The following TIAM1 variants were observed in gnomAD, a reference collection of about 807,000 sequenced individuals.
The protein encoded by TIAM1 is rho guanine nucleotide exchange factor TIAM1.
In TIAM1, 65 loss-of-function variants were observed where a neutral mutation model predicts 163.5. That is an observed-to-expected ratio of 0.40 (90% CI 0.33 to 0.49). TIAM1 has a LOEUF of 0.49. Among genes scored for constraint, TIAM1 ranks in the 20% least tolerant of loss-of-function variants. TIAM1 has a pLI of 0.77. For synonymous variants in TIAM1, 833 were observed against 810.1 expected (o/e 1.03, Z -0.48); for missense variants, 1,789 against 2,044.7 (o/e 0.87, Z 2.41).
At chr21:31,375,675 T>A (rs960280859) in intron 2 of TIAM1, among the ~76,000 whole-genome samples, 2 of 152,092 alleles carry the variant, frequency 1.3e-5, no homozygotes, top group Non-Finnish European at 2.9e-5. Context: ...AAAAAACCCA[T>A]AAATTGCAAA....
chr21:31,266,670 CA>C lies in TIAM1; in HGVS notation c.302del (p.Val101GlyfsTer12). On this transcript the variant is annotated frameshift_variant, in exon 4 of 28. Coordinates refer to ENST00000541036, the MANE Select transcript of TIAM1 (RefSeq NM_001353694.2). LOFTEE classifies it high-confidence loss of function. ...GAGTGACAGAAGAGTCAGTGTAAGA[CA>C]CAGGTCTCAAGCCCATGTCCACTCG... ...VDRVDMGLRP[V>X]SYTDSSVTPS... The C allele has an allele frequency of 6.2e-7, 1 of 1,614,200 alleles. No individual in the cohort carries two copies. The highest frequency in any genetic ancestry group is 8.5e-7 in the Non-Finnish European group (1 of 1,180,046).
At chr21:31,479,484 G>A (rs2046043168) in intron 1 of TIAM1, among the ~76,000 whole-genome samples, 1 of 152,038 alleles carries the variant, frequency 6.6e-6, no homozygotes, top group Admixed American at 6.6e-5. Context: ...TGGAAGGATG[G>A]ATGAGCGGCA....
intron 1 of TIAM1, among the ~76,000 whole-genome samples, chr21:31,491,097 C>G (rs1227698246): frequency 1.3e-5 from 2 of 152,132 alleles, no homozygotes; most frequent in East Asian, 3.9e-4. Flanking sequence ...CGCCACTGCG[C>G]TCCAACCTGG....
At chr21:31,287,273 T>C (rs1437553343) in intron 2 of TIAM1, among the ~76,000 whole-genome samples, 1 of 152,232 alleles carries the variant, frequency 6.6e-6, no homozygotes, top group Non-Finnish European at 1.5e-5. Context: ...AAACTGCTTA[T>C]GAATTGTTTG....
At position 31,405,967 on chromosome 21, in the gene TIAM1, A is replaced by G. The variant is rs558043989; in HGVS notation, c.-369+58016T>C. 3.9e-5 allele frequency among the ~76,000 whole-genome samples: 6 copies of G among 152,242 alleles called. No homozygotes were observed. The East Asian group carries it at 7.7e-4, about 20-fold the overall frequency. On this transcript the variant is annotated intron_variant, in intron 2 of 28. Transcript: ENST00000286827. ...GCCTTAACTCTAATAAACCTCAACC[A>G]TATTTGCTTTAAAAGTATAAAAGAC...
Position 31,147,011 on chromosome 21 carries a change from T to G in TIAM1, c.3367-8A>C. ...CAGAGAGAACAGCACTTTCTGGATTTGACGAGAAAAGGCACAGTTGGTTGT... is the reference window on the plus strand; with the variant it reads ...CAGAGAGAACAGCACTTTCTGGATTGGACGAGAAAAGGCACAGTTGGTTGT... On this transcript the variant is annotated splice_region_variant and splice_polypyrimidine_tract_variant and intron_variant, in intron 19 of 27. Coordinates refer to ENST00000541036, the MANE Select transcript of TIAM1 (RefSeq NM_001353694.2). 1 of 1,612,074 alleles carries G rather than the reference T, an allele frequency of 6.2e-7. No individual in the cohort carries two copies. Among genetic ancestry groups the G allele is most frequent in the Non-Finnish European group, 8.5e-7 (1 of 1,178,286 alleles).
At chr21:31,393,219 G>A (rs908167445) in intron 2 of TIAM1, among the ~76,000 whole-genome samples, 9 of 152,314 alleles carry the variant, frequency 5.9e-5, no homozygotes, top group African/African-American at 1.2e-4. Flanking sequence ...GCCTCCCAAA[G>A]TTCTGGGATT....
intron 2 of TIAM1, among the ~76,000 whole-genome samples, chr21:31,447,689 C>T (rs566940956): frequency 6.6e-6 from 1 of 152,256 alleles, no homozygotes; most frequent in South Asian, 2.1e-4. Flanking sequence ...GGTCAGATGC[C>T]TGCTGGCCTG....
chr21:31,172,538 G>A lies in TIAM1; in HGVS notation c.2888-7473C>T, dbSNP rs147472679. ...CTGAAGATAAGGCTCAGTCGTGGCT[G>A]GAGAAGCAGGATGCCCATCCACATC... On this transcript the variant is annotated intron_variant, in intron 15 of 27. Transcript: ENST00000541036. 2.3e-3 allele frequency among the ~76,000 whole-genome samples: 349 copies of A among 152,288 alleles called. 1 individual carries two copies. Among genetic ancestry groups the A allele is most frequent in the African/African-American group, 8.0e-3 (333 of 41,556 alleles).
intron 2 of TIAM1, among the ~76,000 whole-genome samples, chr21:31,439,583 C>T (rs2044346633): frequency 6.6e-6 from 1 of 152,244 alleles, no homozygotes; most frequent in African/African-American, 2.4e-5. Context: ...GGCCACCACA[C>T]CCATACAGTA....
intron 2 of TIAM1, among the ~76,000 whole-genome samples, chr21:31,293,617 T>C (rs1888922707): frequency 6.6e-6 from 1 of 152,220 alleles, no homozygotes; most frequent in African/African-American, 2.4e-5. Flanking sequence ...CTCTCTTCCA[T>C]CCCACAAGGC....
chr21:31,453,177 G>A (rs139051507), intron 2 of TIAM1: 3,313 of 267,164 alleles, frequency 0.012, 47 homozygotes, highest in South Asian at 0.043. Context: ...GTGGTGTTAC[G>A]GCGGTGGAAA....
At chr21:31,425,203 G>A (rs931146618) in intron 2 of TIAM1, among the ~76,000 whole-genome samples, 2 of 151,980 alleles carry the variant, frequency 1.3e-5, no homozygotes, top group African/African-American at 2.4e-5. Context: ...GGCCCTTCCC[G>A]GACCCAGTGG....
At chr21:31,175,940 C>T (rs1225508403) in intron 15 of TIAM1, among the ~76,000 whole-genome samples, 5 of 152,166 alleles carry the variant, frequency 3.3e-5, no homozygotes, top group African/African-American at 1.2e-4. Flanking sequence ...TCTAGATTTG[C>T]TTTGCTTTCC....
chr21:31,555,275 C>G (rs1341159805), intron 1 of TIAM1, among the ~76,000 whole-genome samples: 1 of 149,250 alleles, frequency 6.7e-6, no homozygotes, highest in Non-Finnish European at 1.5e-5. Flanking sequence ...TTGGGAAAAA[C>G]AGAAACGTTT....
intron 2 of TIAM1, among the ~76,000 whole-genome samples, chr21:31,401,985 C>A (rs763816439): frequency 6.6e-6 from 1 of 151,646 alleles, no homozygotes; most frequent in African/African-American, 2.4e-5. Context: ...GAGGCCGATG[C>A]GGGTGGATCA....
Position 31,550,757 on chromosome 21 carries a change from G to C in TIAM1, c.-422+8170C>G, listed in dbSNP as rs186191698. ...CCACTCCTGACTGCTGACGGAGCTGGGGGTAGAGCCAGGAAGAAAGTTAAG... is the reference window on the plus strand; with the variant it reads ...CCACTCCTGACTGCTGACGGAGCTGCGGGTAGAGCCAGGAAGAAAGTTAAG... On this transcript the variant is annotated intron_variant, in intron 1 of 28. Transcript: ENST00000286827. Among the ~76,000 whole-genome samples the C allele has an allele frequency of 2.6e-5, 4 of 152,264 alleles. No homozygotes were observed. The East Asian group carries it at 5.8e-4, about 22-fold the overall frequency.
chr21:31,195,341 A>T (rs2085791115), intron 12 of TIAM1, 36 bp from the exon 13 acceptor site: 1 of 1,441,370 alleles, frequency 6.9e-7, no homozygotes, highest in African/African-American at 1.4e-5. Context: ...TTAGAATTTC[A>T]TTATAACTAA....
chr21:31,244,052 T>C (rs1023398548), intron 6 of TIAM1, among the ~76,000 whole-genome samples: 2 of 152,184 alleles, frequency 1.3e-5, no homozygotes, highest in South Asian at 2.1e-4. Context: ...TGGTTGGTGG[T>C]TGCATAATTA....
Sources: allele counts gnomAD v4.1 joint callset (sites outside exome capture counted in the v4.1 genomes callset), GRCh38; gene constraint gnomAD v4.1.1; transcripts MANE v1.5; gene names NCBI Gene and HGNC (gene_info 2026-07-23, HGNC 2026-07-21).